IGSF5: variants seen among roughly 807,000 people sequenced by gnomAD.
IGSF5 encodes the protein immunoglobulin superfamily 5 like.
A neutral mutation model predicts 39.4 loss-of-function variants in IGSF5; 41 were observed. The ratio of observed to expected loss-of-function variants is 1.04; its 90% CI spans 0.81 to 1.35. IGSF5 has a LOEUF of 1.35. Among genes scored for constraint, IGSF5 ranks in the 40% most tolerant of loss-of-function variants. IGSF5 has a pLI of 0.00. For missense variants in IGSF5, 487 were observed against 494.6 expected (o/e 0.98, Z 0.15); for synonymous variants, 183 against 175.3 (o/e 1.04, Z -0.34).
intron 5 of IGSF5, among the ~76,000 whole-genome samples, chr21:39,781,898 T>C (rs1173964983): frequency 6.6e-6 from 1 of 152,230 alleles, no homozygotes; most frequent in African/African-American, 2.4e-5. Flanking sequence ...TGGCCCCCTT[T>C]ATCTGCGTTT....
At chr21:39,784,712 G>C (rs2080188935) in intron 5 of IGSF5, among the ~76,000 whole-genome samples, 1 of 150,044 alleles carries the variant, frequency 6.7e-6, no homozygotes. Context: ...GTGATTCATA[G>C]TGGAAATTAT....
chr21:39,758,423 A>G (rs117329620), intron 2 of IGSF5, among the ~76,000 whole-genome samples: 881 of 152,256 alleles, frequency 5.8e-3, no homozygotes, highest in Non-Finnish European at 9.8e-3. Context: ...ACCTGCTGAA[A>G]TGTCCCTTCC....
intron 7 of IGSF5, among the ~76,000 whole-genome samples, chr21:39,793,195 G>C (rs2086975598): frequency 6.6e-6 from 1 of 152,052 alleles, no homozygotes; most frequent in African/African-American, 2.4e-5. Flanking sequence ...CAAAAATCAT[G>C]GCCCAAATCA....
At chr21:39,786,843 T>C (rs1274331612) in intron 5 of IGSF5, among the ~76,000 whole-genome samples, 1 of 151,830 alleles carries the variant, frequency 6.6e-6, no homozygotes, top group Non-Finnish European at 1.5e-5. Flanking sequence ...TCATTCTCAG[T>C]AAACTATCGC....
intron 5 of IGSF5, among the ~76,000 whole-genome samples, chr21:39,785,926 C>T (rs982462574): frequency 2.6e-5 from 4 of 152,104 alleles, no homozygotes; most frequent in South Asian, 2.1e-4. Context: ...GAAACTGGAT[C>T]CCTTCCTTAC....
the IGSF5 span, among the ~76,000 whole-genome samples, chr21:39,717,592 T>G: frequency 3.3e-3 from 495 of 152,264 alleles, 2 homozygotes; most frequent in African/African-American, 0.011. Flanking sequence ...ACTTATTGAG[T>G]AGGGAGTCTT....
intron 1 of IGSF5, 81 bp downstream of exon 1, chr21:39,745,607 G>A (rs1230205608): frequency 1.1e-5 from 8 of 698,022 alleles, no homozygotes; most frequent in Middle Eastern, 2.4e-4. Flanking sequence ...CTGGGAGGTT[G>A]GGACGACAGC....
intron 2 of IGSF5, among the ~76,000 whole-genome samples, chr21:39,758,540 G>A (rs568351785): frequency 3.9e-5 from 6 of 152,278 alleles, no homozygotes; most frequent in East Asian, 1.9e-4. Context: ...TTTTCAGGGC[G>A]AGAATCTCAG....
intron 6 of IGSF5, among the ~76,000 whole-genome samples, chr21:39,791,385 C>T (rs1430131838): frequency 6.6e-6 from 1 of 152,158 alleles, no homozygotes; most frequent in Non-Finnish European, 1.5e-5. Context: ...AGCATACATC[C>T]TTAGAGGTCA....
At chr21:39,757,991 G>A (rs71316694) in intron 2 of IGSF5, among the ~76,000 whole-genome samples, 4 of 152,220 alleles carry the variant, frequency 2.6e-5, no homozygotes, top group African/African-American at 9.6e-5. Flanking sequence ...GGTGGGCACA[G>A]AAGACTTCTG....
intron 2 of IGSF5, among the ~76,000 whole-genome samples, chr21:39,755,999 G>T (rs989571099): frequency 6.6e-6 from 1 of 152,140 alleles, no homozygotes; most frequent in Non-Finnish European, 1.5e-5. Context: ...GCTGAGGCAG[G>T]AGAGTTGCTT....
At chr21:39,791,250 T>C (rs564528194) in intron 6 of IGSF5, among the ~76,000 whole-genome samples, 1 of 152,352 alleles carries the variant, frequency 6.6e-6, no homozygotes, top group Non-Finnish European at 1.5e-5. Context: ...TAGAGAACCA[T>C]CATCATTTAT....
the IGSF5 span, among the ~76,000 whole-genome samples, chr21:39,728,591 GCT>G: frequency 4.6e-5 from 7 of 152,138 alleles, no homozygotes. Flanking sequence ...TGACGCACTC[GCT>G]CTTTCTGCTT....
chr21:39,801,684 T>A lies in IGSF5; in HGVS notation c.*327T>A, dbSNP rs2087030425. 5.0e-6 allele frequency: 1 copy of A among 201,868 alleles called. No individual in the cohort carries two copies. Among genetic ancestry groups the A allele is most frequent in the African/African-American group, 2.3e-5 (1 of 43,536 alleles). 12.5% of individuals were successfully genotyped at this position (201,868 alleles called of 1,614,324 possible). A position where few individuals can be genotyped will look rare whatever the true frequency, so the allele number is the denominator to read the frequency against. On this transcript the variant is annotated 3_prime_UTR_variant, in exon 9 of 9. Transcript: ENST00000380588. ...ACAAATGGTAGATAAAAGTCTGTAT[T>A]CTACCATGCCTTTCAAAAGTTTTTA...
chr21:39,772,825 T>C (rs549062408), intron 4 of IGSF5, among the ~76,000 whole-genome samples: 3 of 152,320 alleles, frequency 2.0e-5, no homozygotes, highest in Admixed American at 6.5e-5. Context: ...ACAATTTTCA[T>C]TGGCGTAAGT....
At chr21:39,781,910 G>T (rs1463801041) in intron 5 of IGSF5, among the ~76,000 whole-genome samples, 1 of 151,998 alleles carries the variant, frequency 6.6e-6, no homozygotes, top group Admixed American at 6.6e-5. Context: ...TCTGCGTTTT[G>T]AGTCATAGGA....
intron 2 of IGSF5, among the ~76,000 whole-genome samples, chr21:39,751,798 T>G (rs750152721): frequency 6.6e-6 from 1 of 152,144 alleles, no homozygotes; most frequent in Non-Finnish European, 1.5e-5. Context: ...TGTAAATGCC[T>G]TTTCCACCCT....
chr21:39,719,000 C>T, the IGSF5 span, among the ~76,000 whole-genome samples: 1 of 152,084 alleles, frequency 6.6e-6, no homozygotes, highest in African/African-American at 2.4e-5. Context: ...GATTAGCAGG[C>T]TATTTATTAC....
intron 3 of IGSF5, among the ~76,000 whole-genome samples, chr21:39,770,634 C>A (rs1024693454): frequency 6.6e-6 from 1 of 151,694 alleles, no homozygotes; most frequent in Non-Finnish European, 1.5e-5. Flanking sequence ...ATAATTATTT[C>A]CCCCTGGTTT....
Sources: allele counts gnomAD v4.1 joint callset (sites outside exome capture counted in the v4.1 genomes callset), GRCh38; gene constraint gnomAD v4.1.1; transcripts MANE v1.5; gene names NCBI Gene and HGNC (gene_info 2026-07-23, HGNC 2026-07-21).